RIMS1: variants seen among roughly 807,000 people sequenced by gnomAD.
RIMS1 encodes regulating synaptic membrane exocytosis 1.
RIMS1 carries 83 observed loss-of-function variants against 214.1 expected under a neutral mutation model. That is an observed-to-expected ratio of 0.39 (90% CI 0.32 to 0.47). The LOEUF (loss-of-function observed/expected upper bound fraction) is 0.47, where lower values mean the gene tolerates loss of function less well. RIMS1 is among the 20% of genes least tolerant of loss of function. RIMS1 has a pLI of 0.99. For synonymous variants in RIMS1, 793 were observed against 786.8 expected, an observed-to-expected ratio of 1.01 and a Z score of -0.13; for missense variants, 2,050 against 2,161.8, an observed-to-expected ratio of 0.95 and a Z score of 1.03.
At chr6:72,275,144 A>G (rs1421266658) in intron 23 of RIMS1, among the ~76,000 whole-genome samples, 759 of 12,354 alleles carry the variant, frequency 0.061, 28 homozygotes, top group African/African-American at 0.15. Flanking sequence ...ATATATATAT[A>G]TATATATATA....
intron 1 of RIMS1, among the ~76,000 whole-genome samples, chr6:71,892,949 A>T (rs1181042020): frequency 6.6e-6 from 1 of 152,212 alleles, no homozygotes; most frequent in African/African-American, 2.4e-5. Context: ...AACATTGTCA[A>T]GATAATCCAT....
intron 29 of RIMS1, among the ~76,000 whole-genome samples, chr6:72,354,382 AT>A (rs975386590): frequency 6.6e-6 from 1 of 151,944 alleles, no homozygotes; most frequent in East Asian, 1.9e-4. Context: ...ACTAAGCCCA[AT>A]TTTTTTTAAT....
At position 72,096,967 on chromosome 6, in the gene RIMS1, T is replaced by A. The variant is rs1400291583; in HGVS notation, c.264T>A (p.Phe88Leu). The A allele has an allele frequency of 6.2e-7, 1 of 1,613,588 alleles. No homozygotes were observed. Among genetic ancestry groups the A allele is most frequent in the South Asian group, 1.1e-5 (1 of 90,982 alleles). Residue 88 changes from phenylalanine to leucine, a missense_variant, in exon 3 of 34, where the codon TTT (phenylalanine) becomes TTA (leucine). By Grantham distance (22) the Phe-to-Leu change is conservative. Around this residue, in one of 6 missense-constraint regions of RIMS1, gnomAD observed 882 missense variants for 828.9 expected, o/e 1.06. Coordinates refer to ENST00000521978, the MANE Select transcript of RIMS1 (RefSeq NM_014989.7). ...HQPSPRLHQQFESYKEQVRKI... is the reference protein window; with the variant it reads ...HQPSPRLHQQLESYKEQVRKI... The stretch of plus-strand genomic sequence containing the variant: ...TGCCTAGGAGATTGCATCAACAGTT[T>A]GAAAGCTATAAGGAACAAGTGAGAA...
intron 2 of RIMS1, among the ~76,000 whole-genome samples, chr6:72,050,891 T>G (rs1350252771): frequency 6.6e-6 from 1 of 152,220 alleles, no homozygotes; most frequent in East Asian, 1.9e-4. Flanking sequence ...ATGGTGGGAA[T>G]GCAGTCTGCT....
chr6:72,097,146 C>T lies in RIMS1; in HGVS notation c.443C>T (p.Ser148Phe), dbSNP rs746654049. Residue 148 changes from serine to phenylalanine, a missense_variant, in exon 3 of 34, where the codon TCT (serine) becomes TTT (phenylalanine). Ser to Phe is a radical substitution (Grantham distance 155). Coordinates refer to ENST00000521978, the MANE Select transcript of RIMS1 (RefSeq NM_014989.7). ...KFCARCGGRVSLRSNNEDKVV... is the reference protein window; with the variant it reads ...KFCARCGGRVFLRSNNEDKVV... ...TGTGCGCGCTGCGGAGGCCGCGTGT[C>T]TCTACGGTCAAACAACGTGAGTATT... 130 of 1,613,722 alleles carry T rather than the reference C, an allele frequency of 8.1e-5. No homozygotes were observed. The highest frequency in any genetic ancestry group is 1.1e-4 in the Non-Finnish European group (127 of 1,179,852).
intron 2 of RIMS1, among the ~76,000 whole-genome samples, chr6:71,986,547 A>ATCATG (rs1476719015): frequency 6.6e-6 from 1 of 152,258 alleles, no homozygotes; most frequent in Non-Finnish European, 1.5e-5. Context: ...ACAACTAGAC[A>ATCATG]TCATGACTGG....
At chr6:72,054,133 C>T (rs13192771) in intron 2 of RIMS1, among the ~76,000 whole-genome samples, 2,966 of 151,732 alleles carry the variant, frequency 0.02, 47 homozygotes, top group Non-Finnish European at 0.03. Context: ...TTTGTCCATT[C>T]GTTCTCATTG....
chr6:72,293,349 T>TTCTC (rs1273195995), intron 26 of RIMS1, among the ~76,000 whole-genome samples: 2 of 151,968 alleles, frequency 1.3e-5, no homozygotes, highest in Non-Finnish European at 2.9e-5. Context: ...ATTGACATGT[T>TTCTC]TAACATTTTT....
At chr6:72,211,369 T>C (rs2053779681) in intron 6 of RIMS1, among the ~76,000 whole-genome samples, 1 of 152,186 alleles carries the variant, frequency 6.6e-6, no homozygotes, top group Non-Finnish European at 1.5e-5. Context: ...TTACATCCTA[T>C]CAAAGTAAAT....
At chr6:72,148,768 A>G (rs1380556492) in intron 4 of RIMS1, 3 of 411,142 alleles carry the variant, frequency 7.3e-6, no homozygotes, top group Non-Finnish European at 1.4e-5. Flanking sequence ...AGTTTGGGAC[A>G]AAAAGGTGCC....
At chr6:71,896,479 G>A (rs766034822) in intron 1 of RIMS1, among the ~76,000 whole-genome samples, 2 of 152,092 alleles carry the variant, frequency 1.3e-5, no homozygotes, top group Non-Finnish European at 2.9e-5. Flanking sequence ...TGGATAATCA[G>A]TCCAGGGGCT....
At chr6:72,150,172 A>T (rs1027951402) in intron 4 of RIMS1, among the ~76,000 whole-genome samples, 3 of 146,100 alleles carry the variant, frequency 2.1e-5, no homozygotes, top group Non-Finnish European at 4.5e-5. Context: ...TGGGGAGGGC[A>T]TGCTGATTGG....
chr6:72,187,761 G>A (rs1223314221), intron 6 of RIMS1, among the ~76,000 whole-genome samples: 7 of 152,202 alleles, frequency 4.6e-5, no homozygotes, highest in African/African-American at 1.7e-4. Context: ...CAAAGTGCTG[G>A]GATTACAGGT....
chr6:72,294,882 A>G (rs1467962601), intron 26 of RIMS1, among the ~76,000 whole-genome samples: 1 of 151,744 alleles, frequency 6.6e-6, no homozygotes, highest in African/African-American at 2.4e-5. Context: ...TTTGCGGTAG[A>G]GTACTTGAAA....
intron 28 of RIMS1, among the ~76,000 whole-genome samples, chr6:72,326,605 A>G (rs1321562386): frequency 6.6e-6 from 1 of 151,792 alleles, no homozygotes; most frequent in East Asian, 1.9e-4. Flanking sequence ...TACATATTCT[A>G]CAATTGATGG....
At chr6:72,218,546 A>G (rs2057228023) in intron 6 of RIMS1, among the ~76,000 whole-genome samples, 1 of 152,230 alleles carries the variant, frequency 6.6e-6, no homozygotes, top group Non-Finnish European at 1.5e-5. Context: ...GTCTAGCCTA[A>G]TTAAATATAT....
chr6:72,292,430 T>G (rs2093534004), intron 26 of RIMS1, among the ~76,000 whole-genome samples: 1 of 152,204 alleles, frequency 6.6e-6, no homozygotes, highest in Non-Finnish European at 1.5e-5. Flanking sequence ...TTAATCATAC[T>G]GAATCCTTTA....
intron 29 of RIMS1, among the ~76,000 whole-genome samples, chr6:72,352,565 A>C (rs2097491910): frequency 6.6e-6 from 1 of 152,138 alleles, no homozygotes. Context: ...CATTTAGTAA[A>C]ATTCTATTTA....
chr6:72,191,308 T>G (rs2050032269), intron 6 of RIMS1, among the ~76,000 whole-genome samples: 1 of 152,238 alleles, frequency 6.6e-6, no homozygotes, highest in Non-Finnish European at 1.5e-5. Flanking sequence ...ATCCTTTACC[T>G]TCCTTAGAGG....
Sources: allele counts gnomAD v4.1 joint callset (sites outside exome capture counted in the v4.1 genomes callset), GRCh38; gene constraint gnomAD v4.1.1; regional missense constraint gnomAD v4.1.1; transcripts MANE v1.5; gene names NCBI Gene and HGNC (gene_info 2026-07-23, HGNC 2026-07-21).